Variants in SCN10A observed in about 807,000 individuals in gnomAD.
The protein encoded by SCN10A is sodium channel protein type 10 subunit alpha.
In SCN10A, 162 loss-of-function variants were observed where a neutral mutation model predicts 170.7. That is an observed-to-expected ratio of 0.95 (90% confidence interval 0.84 to 1.08). SCN10A has a LOEUF of 1.08. SCN10A is among the 50% of genes least tolerant of loss of function. SCN10A has a pLI of 0.00. For synonymous variants in SCN10A, 985 were observed against 904.6 expected (o/e 1.09, Z -1.59); for missense variants, 2,527 against 2,436.9 (o/e 1.04, Z -0.78).
chr3:38,748,556 G>A (rs1292497073), intron 13 of SCN10A, among the ~76,000 whole-genome samples: 1 of 152,158 alleles, frequency 6.6e-6, no homozygotes, highest in Non-Finnish European at 1.5e-5. Context: ...CTTTGTCATT[G>A]CTAAGCGTAT....
In SCN10A at chr3:38,712,180, T is replaced by G. The variant is rs2063281305; in HGVS notation, c.4070A>C (p.Tyr1357Ser). Residue 1357 changes from tyrosine (Y) to serine (S), a missense_variant, in exon 23 of 28, where the codon TAC becomes TCC. Coordinates refer to ENST00000449082, the MANE Select transcript of SCN10A (RefSeq NM_006514.4). ...ACTCACCACCTGCAGAAGTGCAAGG[T>G]AACCCATTGCAACATTATCAAAGTT... ...KVNFDNVAMG[Y>S]LALLQVATFK... 1 of 1,614,112 alleles carries G rather than the reference T, an allele frequency of 6.2e-7. No individual in the cohort carries two copies. Among genetic ancestry groups the G allele is most frequent in the South Asian group, 1.1e-5 (1 of 91,086 alleles).
At chr3:38,794,351 C>T (rs1306301676) in intron 1 of SCN10A, among the ~76,000 whole-genome samples, 2 of 152,192 alleles carry the variant, frequency 1.3e-5, no homozygotes, top group Non-Finnish European at 2.9e-5. Flanking sequence ...GCTGCCCTCT[C>T]TCCTCATTTC....
intron 5 of SCN10A, among the ~76,000 whole-genome samples, chr3:38,765,960 T>C (rs1318402619): frequency 6.9e-6 from 1 of 145,346 alleles, no homozygotes; most frequent in Non-Finnish European, 1.5e-5. Context: ...ATTCCTAAGA[T>C]TTTTTTGTTT....
rs188039249 is a variant in SCN10A, at chr3:38,806,552, G to C, written c.-33+9485C>G. 2.9e-3 allele frequency among the ~76,000 whole-genome samples: 443 copies of C among 152,116 alleles called. 2 individuals are homozygous for C. The highest frequency in any genetic ancestry group is 0.013 in the South Asian group (61 of 4,808). Reference sequence around the variant, plus strand: ...GAAGCATGAGTTCTGATGCTATCTGGGTCTTTTGAATTCTTTGACCCTCAT... The same window carrying C: ...GAAGCATGAGTTCTGATGCTATCTGCGTCTTTTGAATTCTTTGACCCTCAT... On this transcript the variant is annotated intron_variant, in intron 1 of 27. Transcript: ENST00000449082.
At chr3:38,806,610 C>T (rs897411111) in intron 1 of SCN10A, among the ~76,000 whole-genome samples, 1 of 152,096 alleles carries the variant, frequency 6.6e-6, no homozygotes, top group Non-Finnish European at 1.5e-5. Flanking sequence ...ATGATTACCT[C>T]GGCCCTACTT....
rs748477123 is a variant in SCN10A at position 38,750,185 on chromosome 3, C to T, written c.1756-1G>A. 2 of 1,589,470 alleles carry T rather than the reference C, an allele frequency of 1.3e-6. No homozygotes were observed. Among genetic ancestry groups the T allele is most frequent in the East Asian group, 4.5e-5 (2 of 44,750 alleles). On this transcript the variant is annotated splice_acceptor_variant, in intron 12 of 27. Coordinates refer to ENST00000449082, the MANE Select transcript of SCN10A (RefSeq NM_006514.4). LOFTEE classifies it high-confidence loss of function. ...TCTTCTTTTGTCCTGCATCGAATGC[C>T]TGTTGAGACACAAACAGAGTCAGGA...
chr3:38,707,683 G>C (rs1376649375), intron 25 of SCN10A, among the ~76,000 whole-genome samples: 1 of 152,204 alleles, frequency 6.6e-6, no homozygotes, highest in Non-Finnish European at 1.5e-5. Context: ...GAAGGTACAT[G>C]TTGGTTCAAA....
chr3:38,788,486 C>A (rs1332248337), intron 4 of SCN10A, among the ~76,000 whole-genome samples: 2 of 152,150 alleles, frequency 1.3e-5, no homozygotes, highest in Admixed American at 1.3e-4. Context: ...TAAATATACT[C>A]CAGAGCCATT....
chr3:38,712,832 C>T (rs1057166273), intron 22 of SCN10A, among the ~76,000 whole-genome samples: 1 of 152,144 alleles, frequency 6.6e-6, no homozygotes, highest in African/African-American at 2.4e-5. Context: ...TTAAAGTATG[C>T]CGTGGTCAAG....
rs1553623225 is a variant in SCN10A, at chr3:38,771,334, A to G, written c.544T>C (p.Phe182Leu). Residue 182 changes from phenylalanine (F) to leucine (L), a missense_variant, in exon 5 of 28, where the codon TTC (phenylalanine) becomes CTC (leucine). Transcript: ENST00000449082. ...TTCCAAGGATCTCTCAGGTACGTGAACTCATTTAGACAAAATCCTCTTGCC... is the reference window on the plus strand; with the variant it reads ...TTCCAAGGATCTCTCAGGTACGTGAGCTCATTTAGACAAAATCCTCTTGCC... ...ILARGFCLNE[F>L]TYLRDPWNWL... 2 of 1,614,102 alleles carry G rather than the reference A, an allele frequency of 1.2e-6. No homozygotes were observed. The highest frequency in any genetic ancestry group is 1.7e-6 in the Non-Finnish European group (2 of 1,179,974).
At chr3:38,721,044 G>T (rs1051865139) in intron 20 of SCN10A, among the ~76,000 whole-genome samples, 1 of 152,232 alleles carries the variant, frequency 6.6e-6, no homozygotes, top group South Asian at 2.1e-4. Context: ...TCCCTGCCCC[G>T]AAACTCTCTT....
At chr3:38,721,954 T>C (rs1163777571) in intron 20 of SCN10A, among the ~76,000 whole-genome samples, 4 of 152,226 alleles carry the variant, frequency 2.6e-5, no homozygotes, top group African/African-American at 9.6e-5. Context: ...TTGGGTGACC[T>C]TGGACAAGCC....
At chr3:38,752,578 A>T in intron 11 of SCN10A, 66 bp from the exon 12 acceptor site, 1 of 1,320,892 alleles carries the variant, frequency 7.6e-7, no homozygotes, top group Non-Finnish European at 1.0e-6. Flanking sequence ...AGAGCCCAAC[A>T]CTTCCCTCTA....
In SCN10A at chr3:38,752,495, G is replaced by C. The variant is rs781354223; in HGVS notation, c.1479C>G (p.Ala493=). The change falls in exon 12 of 28, where the codon GCC becomes GCG. Residue 493 remains alanine (A), a synonymous_variant. Coordinates refer to ENST00000449082, the MANE Select transcript of SCN10A (RefSeq NM_006514.4). The stretch of plus-strand genomic sequence containing the variant: ...CATGACTAGCCCGGCGTTTTCCAGA[G>C]GCGAGGCCTAGAAAAGACTGGGCAT... The part of the protein sequence containing the change: ...NQRRMSFLGL[A]SGKRRASHGS... 1 of 1,592,562 alleles carries C rather than the reference G, an allele frequency of 6.3e-7. No homozygotes were observed. Among genetic ancestry groups the C allele is most frequent in the Non-Finnish European group, 8.6e-7 (1 of 1,168,434 alleles).
intron 20 of SCN10A, among the ~76,000 whole-genome samples, chr3:38,721,159 G>A (rs1376460852): frequency 1.3e-5 from 2 of 152,196 alleles, no homozygotes; most frequent in Non-Finnish European, 2.9e-5. Flanking sequence ...CATGCACCGA[G>A]CAGTTTTGTC....
Position 38,791,996 on chromosome 3 carries a change from C to G in SCN10A, c.389+54G>C, listed in dbSNP as rs138479208. ...TAACCTCTAAAGAAGGTACTGGACA[C>G]AGTAGGCAAGGTCTAATTGTAACAC... On this transcript the variant is annotated intron_variant, in intron 3 of 27. Coordinates refer to ENST00000449082, the MANE Select transcript of SCN10A (RefSeq NM_006514.4). 16 of 1,601,932 alleles carry G rather than the reference C, an allele frequency of 1.0e-5. No individual in the cohort carries two copies. The African/African-American group carries it at 1.5e-4, about 15-fold the overall frequency.
intron 4 of SCN10A, among the ~76,000 whole-genome samples, chr3:38,787,808 C>T (rs1482732373): frequency 6.6e-6 from 1 of 152,050 alleles, no homozygotes. Flanking sequence ...TCTCCTAATG[C>T]TATCCCTCCC....
Position 38,736,503 on chromosome 3 carries a change from C to G in SCN10A, c.2280+3012G>C, listed in dbSNP as rs1238844625. 3.3e-5 allele frequency among the ~76,000 whole-genome samples: 5 copies of G among 151,680 alleles called. 1 individual carries two copies. The East Asian group carries it at 7.7e-4, about 23-fold the overall frequency. On this transcript the variant is annotated intron_variant, in intron 15 of 27. Transcript: ENST00000449082. ...GAAAATAAAGTCTATTAATTAAAAC[C>G]AGGAAACTGACCAGCTGGCGGTGAT...
At chr3:38,742,258 G>A (rs554154472) in intron 14 of SCN10A, 33 bp downstream of exon 14, 44 of 969,182 alleles carry the variant, frequency 4.5e-5, no homozygotes, top group South Asian at 1.4e-4. Context: ...CCCCGACCAC[G>A]CCAGTGAGGG....
Sources: gnomAD v4.1 joint callset for allele counts (sites outside exome capture counted in the v4.1 genomes callset) on GRCh38, gnomAD v4.1.1 for gene constraint, MANE v1.5 for transcripts, NCBI Gene and HGNC (gene_info 2026-07-23, HGNC 2026-07-21) for gene names.